ELF4: variants seen among roughly 807,000 people sequenced by gnomAD.
The protein encoded by ELF4 is ETS-related transcription factor Elf-4.
A neutral mutation model predicts 31.7 loss-of-function variants in ELF4; 10 were observed. That is an observed-to-expected ratio of 0.32 (90% CI 0.19 to 0.54). The LOEUF (loss-of-function observed/expected upper bound fraction) is 0.54, where lower values mean the gene tolerates loss of function less well. Among genes scored for constraint, ELF4 ranks in the 20% least tolerant of loss-of-function variants. The pLI is 0.95. For missense variants in ELF4, 418 were observed against 522.0 expected, an observed-to-expected ratio of 0.80 and a Z score of 1.94; for synonymous variants, 208 against 226.7, an observed-to-expected ratio of 0.92 and a Z score of 0.74.
chrX:130,107,179 A>C (rs1933393376), intron 1 of ELF4, among the ~76,000 whole-genome samples: 2 of 111,865 alleles, frequency 1.8e-5, no homozygotes, highest in Admixed American at 1.9e-4. Context: ...CAGAAGGCTA[A>C]GGCAGGGAGA....
chrX:130,068,767 C>T (rs1012188824), intron 8 of ELF4, among the ~76,000 whole-genome samples: 1 of 112,431 alleles, frequency 8.9e-6, no homozygotes, highest in Non-Finnish European at 1.9e-5. Flanking sequence ...GACACGGACG[C>T]CCTGGTGGCT....
chrX:130,103,424 GA>G, intron 1 of ELF4, among the ~76,000 whole-genome samples: 1 of 112,478 alleles, frequency 8.9e-6, no homozygotes, highest in Middle Eastern at 4.6e-3. Context: ...GCAACTATAT[GA>G]AAAGATGTTC....
chrX:130,087,212 C>T (rs1932975226), intron 1 of ELF4, among the ~76,000 whole-genome samples: 1 of 112,289 alleles, frequency 8.9e-6, no homozygotes, highest in Non-Finnish European at 1.9e-5. Flanking sequence ...GGAGAACCCA[C>T]TGCAGGAAAA....
At chrX:130,100,953 G>A (rs1435571967) in intron 1 of ELF4, among the ~76,000 whole-genome samples, 1 of 112,302 alleles carries the variant, frequency 8.9e-6, no homozygotes, top group African/African-American at 3.2e-5. Flanking sequence ...TTGGGCAAAT[G>A]TCTCCAGGGC....
Position 130,063,972 on chromosome X carries a change from T to TTTA in ELF4, c.*2746_*2748dup, listed in dbSNP as rs201836552. 0.15 allele frequency among the ~76,000 whole-genome samples: 14,381 copies of TTTA among 93,184 alleles called. 1,062 individuals carry two copies. The highest frequency in any genetic ancestry group is 0.27 in the Middle Eastern group (52 of 193). 80.9% of individuals were successfully genotyped at this position (93,184 alleles called of 115,157 possible). On this transcript the variant is annotated 3_prime_UTR_variant, in exon 9 of 9. Transcript: ENST00000308167. ...TGACGGCCTTTTTGTTTGCTTGATT[T>TTTA]TTATTATTATTATTATTATTATTAT...
upstream of ELF4, among the ~76,000 whole-genome samples, chrX:130,110,909 C>A (rs1263541616): frequency 1.0e-5 from 1 of 97,899 alleles, no homozygotes; most frequent in African/African-American, 3.7e-5. Context: ...ACACACACGT[C>A]CCCGCAGGCG....
chrX:130,084,046 G>A (rs1019961140), intron 1 of ELF4, among the ~76,000 whole-genome samples: 4 of 112,325 alleles, frequency 3.6e-5, no homozygotes, highest in African/African-American at 1.3e-4. Context: ...ATTTACCCAG[G>A]TGCGCTATTT....
chrX:130,075,895 T>C (rs1305684978), intron 2 of ELF4, among the ~76,000 whole-genome samples: 1 of 110,838 alleles, frequency 9.0e-6, no homozygotes, highest in African/African-American at 3.3e-5. Context: ...GGGAGAGGGG[T>C]TCAATTTCCA....
At chrX:130,083,498 T>C (rs930089425) in intron 1 of ELF4, among the ~76,000 whole-genome samples, 2 of 110,933 alleles carry the variant, frequency 1.8e-5, no homozygotes, top group South Asian at 7.7e-4. Flanking sequence ...TCCCACTTTG[T>C]CTAAACATGA....
intron 1 of ELF4, among the ~76,000 whole-genome samples, chrX:130,106,886 A>T (rs1456827075): frequency 9.0e-6 from 1 of 110,980 alleles, no homozygotes; most frequent in Non-Finnish European, 1.9e-5. Context: ...GCAGGGGGCT[A>T]TAGGGATGTT....
At chrX:130,086,638 C>T (rs1443886574) in intron 1 of ELF4, among the ~76,000 whole-genome samples, 1 of 112,264 alleles carries the variant, frequency 8.9e-6, no homozygotes, top group Non-Finnish European at 1.9e-5. Context: ...TGTCATCCTT[C>T]GAGCAGGTGA....
At chrX:130,088,412 A>G (rs1932995628) in intron 1 of ELF4, among the ~76,000 whole-genome samples, 1 of 110,898 alleles carries the variant, frequency 9.0e-6, no homozygotes, top group African/African-American at 3.3e-5. Context: ...TGTTCTCGCT[A>G]AGAATGTTAA....
intron 1 of ELF4, among the ~76,000 whole-genome samples, chrX:130,089,530 A>AC (rs1933019096): frequency 9.5e-6 from 1 of 104,858 alleles, no homozygotes; most frequent in African/African-American, 3.5e-5. Context: ...AAAAAAAAAA[A>AC]AAAAAAACAC....
chrX:130,082,280 AGACTGGGG>A (rs1932897609), intron 1 of ELF4, among the ~76,000 whole-genome samples: 1 of 111,273 alleles, frequency 9.0e-6, no homozygotes, highest in South Asian at 3.8e-4. Context: ...GAGAGCCTGG[AGACTGGGG>A]GACAGGTGGG....
At position 130,063,972 on chromosome X, in the gene ELF4, TTTATTATTATTATTATTATTA is replaced by T. The variant is rs201836552; in HGVS notation, c.*2728_*2748del. Among the ~76,000 whole-genome samples, 1 of 93,325 alleles carries T rather than the reference TTTATTATTATTATTATTATTA, an allele frequency of 1.1e-5. No homozygotes were observed. The highest frequency in any genetic ancestry group is 3.4e-4 in the East Asian group (1 of 2,964). The allele number at this position is 93,325 out of a possible 115,157, so 81.0% of individuals were successfully genotyped here. On this transcript the variant is annotated 3_prime_UTR_variant, in exon 9 of 9. Coordinates refer to ENST00000308167, the MANE Select transcript of ELF4 (RefSeq NM_001421.4). ...TGACGGCCTTTTTGTTTGCTTGATT[TTTATTATTATTATTATTATTA>T]TTATTATTATTATTATTATACTTTA...
chrX:130,077,080 A>G (rs747693488), intron 2 of ELF4, among the ~76,000 whole-genome samples: 1 of 111,322 alleles, frequency 9.0e-6, no homozygotes, highest in Non-Finnish European at 1.9e-5. Flanking sequence ...GCAGTTGGGT[A>G]TAGTGATTAA....
At chrX:130,099,303 G>A (rs749505508) in intron 1 of ELF4, among the ~76,000 whole-genome samples, 2 of 112,340 alleles carry the variant, frequency 1.8e-5, no homozygotes, top group East Asian at 5.7e-4. Flanking sequence ...GCCAGGCGCA[G>A]GGGCTCACGC....
At chrX:130,084,240 T>A (rs1932929871) in intron 1 of ELF4, among the ~76,000 whole-genome samples, 1 of 112,026 alleles carries the variant, frequency 8.9e-6, no homozygotes, top group Non-Finnish European at 1.9e-5. Flanking sequence ...GCTGCCTTCG[T>A]GAGAATGACA....
At chrX:130,096,247 A>C (rs994242376) in intron 1 of ELF4, among the ~76,000 whole-genome samples, 2 of 110,940 alleles carry the variant, frequency 1.8e-5, no homozygotes, top group Non-Finnish European at 3.8e-5. Flanking sequence ...CAGTAGCACG[A>C]TCTCAGCTCA....
Sources: allele counts gnomAD v4.1 joint callset (sites outside exome capture counted in the v4.1 genomes callset), GRCh38; gene constraint gnomAD v4.1.1; transcripts MANE v1.5; gene names NCBI Gene and HGNC (gene_info 2026-07-23, HGNC 2026-07-21).